AKT3: variants seen among roughly 807,000 people sequenced by gnomAD.
The protein encoded by AKT3 is AKT serine/threonine kinase 3.
Under a neutral mutation model 65.3 loss-of-function variants are expected in AKT3, and 15 were observed. That is an observed-to-expected ratio of 0.23 (90% CI 0.15 to 0.35). The LOEUF (loss-of-function observed/expected upper bound fraction) is 0.35. Among genes scored for constraint, AKT3 ranks in the 10% least tolerant of loss-of-function variants. The pLI, the probability that AKT3 is intolerant of heterozygous loss-of-function variation, is 1.00. For missense variants in AKT3, 243 were observed against 576.5 expected (o/e 0.42, Z 5.92); for synonymous variants, 206 against 183.8 (o/e 1.12, Z -0.98).
At chr1:243,765,165 A>G (rs970366719) in intron 2 of AKT3, among the ~76,000 whole-genome samples, 3 of 152,136 alleles carry the variant, frequency 2.0e-5, no homozygotes, top group Non-Finnish European at 2.9e-5. Flanking sequence ...TTGAGATTAT[A>G]TGGCTTACAG....
Position 243,501,482 on chromosome 1 carries a change from G to A in AKT3, c.*3767C>T. ...GACCTCCTTCATCCCTGGCTTCACA[G>A]TACATCCATCCTAAATCCAGTGCTG... On this transcript the variant is annotated 3_prime_UTR_variant, in exon 14 of 14. Coordinates refer to ENST00000673466, the MANE Select transcript of AKT3 (RefSeq NM_005465.7). The A allele has an allele frequency of 8.6e-6, 2 of 233,210 alleles. No homozygotes were observed. The highest frequency in any genetic ancestry group is 1.7e-5 in the Non-Finnish European group (2 of 118,006). The allele number at this position is 233,210 out of a possible 1,614,324, so 14.4% of individuals were successfully genotyped here. A position where few individuals can be genotyped will look rare whatever the true frequency, so the allele number is the denominator to read the frequency against.
chr1:243,831,813 C>A (rs367941682), intron 2 of AKT3, among the ~76,000 whole-genome samples: 9 of 152,002 alleles, frequency 5.9e-5, no homozygotes, highest in East Asian at 1.9e-4. Flanking sequence ...CCCCTCCCCC[C>A]CAACAAGATA....
At chr1:243,538,381 A>C (rs969249511) in intron 12 of AKT3, among the ~76,000 whole-genome samples, 2 of 152,128 alleles carry the variant, frequency 1.3e-5, no homozygotes, top group Admixed American at 6.5e-5. Flanking sequence ...ACAAAGAGAA[A>C]AAAAGGAACA....
intron 12 of AKT3, among the ~76,000 whole-genome samples, chr1:243,531,272 T>C (rs1166673173): frequency 1.3e-5 from 2 of 151,994 alleles, no homozygotes; most frequent in African/African-American, 4.8e-5. Flanking sequence ...TTGTTATTTT[T>C]GGTAAAGGTG....
At chr1:243,630,865 T>C (rs750948918) in intron 6 of AKT3, among the ~76,000 whole-genome samples, 39 of 152,198 alleles carry the variant, frequency 2.6e-4, no homozygotes, top group Non-Finnish European at 5.3e-4. Context: ...ATATTATTCA[T>C]GGGACAATCA....
At chr1:243,655,233 A>T (rs950002698) in intron 4 of AKT3, among the ~76,000 whole-genome samples, 1 of 152,154 alleles carries the variant, frequency 6.6e-6, no homozygotes, top group Non-Finnish European at 1.5e-5. Context: ...GCCATCTGCT[A>T]GAACTCATAA....
intron 9 of AKT3, among the ~76,000 whole-genome samples, chr1:243,566,703 A>C (rs990090386): frequency 1.3e-5 from 2 of 152,212 alleles, no homozygotes; most frequent in African/African-American, 2.4e-5. Flanking sequence ...TCATCTATAA[A>C]ACAAAAGTAA....
At chr1:243,850,493 G>A (rs941584899), upstream of AKT3, among the ~76,000 whole-genome samples, 1 of 151,348 alleles carries the variant, frequency 6.6e-6, no homozygotes, top group African/African-American at 2.4e-5. Context: ...GCGCGGGGAG[G>A]GGTTCTGCGG....
At chr1:243,837,287 A>T (rs779651054) in intron 2 of AKT3, among the ~76,000 whole-genome samples, 30 of 152,232 alleles carry the variant, frequency 2.0e-4, no homozygotes, top group Admixed American at 4.6e-4. Context: ...GGAAATAGAA[A>T]ATATGGATAG....
At position 243,542,869 on chromosome 1, in the gene AKT3, G is replaced by C. The variant is rs186514126; in HGVS notation, c.1251+2641C>G. On this transcript the variant is annotated intron_variant, in intron 12 of 13. Coordinates refer to ENST00000673466, the MANE Select transcript of AKT3 (RefSeq NM_005465.7). ...TGCTATAATAAAGTTGCTCCTTCAA[G>C]TATATATGGGGCGGCAGAGAACACC... Among the ~76,000 whole-genome samples the C allele has an allele frequency of 6.3e-3, 965 of 152,160 alleles. 7 individuals carry two copies. Among genetic ancestry groups the C allele is most frequent in the Middle Eastern group, 0.014 (4 of 294 alleles).
intron 2 of AKT3, among the ~76,000 whole-genome samples, chr1:243,821,893 A>C (rs1473135178): frequency 6.6e-6 from 1 of 152,222 alleles, no homozygotes; most frequent in Non-Finnish European, 1.5e-5. Flanking sequence ...ATTAACAAGG[A>C]TATTCAGGAC....
At position 243,847,803 on chromosome 1, in the gene AKT3, C is replaced by CT. The variant is rs754575407; in HGVS notation, c.-113+2236dup. On this transcript the variant is annotated intron_variant, in intron 1 of 13. Coordinates refer to ENST00000673466, the MANE Select transcript of AKT3 (RefSeq NM_005465.7). ...CACTCCAGTATTTGTTAAATATAAT[C>CT]TTATTTAAAATATTTTACAGCTATG... Among the ~76,000 whole-genome samples the CT allele has an allele frequency of 3.3e-5, 5 of 152,204 alleles. No homozygotes were observed. In the South Asian group the frequency reaches 8.3e-4, roughly 25 times the overall value.
At chr1:243,752,201 T>C (rs1159880286) in intron 2 of AKT3, among the ~76,000 whole-genome samples, 1 of 152,122 alleles carries the variant, frequency 6.6e-6, no homozygotes, top group Non-Finnish European at 1.5e-5. Flanking sequence ...AACTGAAAAG[T>C]ACAAAAAATA....
intron 2 of AKT3, among the ~76,000 whole-genome samples, chr1:243,810,955 C>A (rs1693099815): frequency 1.3e-5 from 2 of 152,234 alleles, no homozygotes; most frequent in South Asian, 4.1e-4. Context: ...CAGAAAAGGC[C>A]TTTGATAAAA....
chr1:243,571,861 T>C (rs897931661), intron 9 of AKT3, among the ~76,000 whole-genome samples: 6 of 152,224 alleles, frequency 3.9e-5, no homozygotes. Context: ...TGGTCATCTC[T>C]GATCTAGATG....
chr1:243,808,572 A>G (rs1399356562), intron 2 of AKT3, among the ~76,000 whole-genome samples: 2 of 152,242 alleles, frequency 1.3e-5, no homozygotes, highest in Non-Finnish European at 2.9e-5. Context: ...CCTGAAAGTG[A>G]CAGGGAGAAT....
intron 2 of AKT3, among the ~76,000 whole-genome samples, chr1:243,749,744 CT>C (rs780780992): frequency 5.3e-5 from 8 of 152,264 alleles, no homozygotes; most frequent in Non-Finnish European, 1.0e-4. Context: ...AATCTATTTT[CT>C]TTCCTTTTAT....
At chr1:243,491,413 A>G (rs1007401277) in intron 13 of AKT3, among the ~76,000 whole-genome samples, 1 of 152,236 alleles carries the variant, frequency 6.6e-6, no homozygotes, top group Admixed American at 6.5e-5. Context: ...GCGGCCTTTC[A>G]GATTCAAATA....
intron 10 of AKT3, among the ~76,000 whole-genome samples, chr1:243,558,123 A>G (rs1052983841): frequency 1.3e-5 from 2 of 152,092 alleles, no homozygotes; most frequent in Admixed American, 6.6e-5. Flanking sequence ...GACATATTTT[A>G]CATTTATTCT....
Sources: allele counts gnomAD v4.1 joint callset (sites outside exome capture counted in the v4.1 genomes callset), GRCh38; gene constraint gnomAD v4.1.1; transcripts MANE v1.5; gene names NCBI Gene and HGNC (gene_info 2026-07-23, HGNC 2026-07-21).